SMCO4: variants seen among roughly 807,000 people sequenced by gnomAD.
The protein encoded by SMCO4 is single-pass membrane and coiled-coil domain-containing protein 4.
Under a neutral mutation model 3.6 loss-of-function variants are expected in SMCO4, and 4 were observed. That is an observed-to-expected ratio of 1.11 (90% confidence interval 0.54 to 2.53). SMCO4 has a LOEUF of 2.53. Ranked by LOEUF, SMCO4 falls within the 30% of genes most tolerant of loss-of-function variation. SMCO4 has a pLI of 0.02. For missense variants in SMCO4, 70 were observed against 80.8 expected (o/e 0.87, Z 0.51); for synonymous variants, 36 against 35.3 (o/e 1.02, Z -0.07).
intron 2 of SMCO4, among the ~76,000 whole-genome samples, chr11:93,483,533 A>C (rs1157015834): frequency 6.6e-6 from 1 of 152,140 alleles, no homozygotes; most frequent in Admixed American, 6.5e-5. Context: ...GGGTGGAGGG[A>C]GCACTCCAGA....
At chr11:93,534,510 A>G (rs1324426301) in intron 1 of SMCO4, among the ~76,000 whole-genome samples, 1 of 152,154 alleles carries the variant, frequency 6.6e-6, no homozygotes, top group Admixed American at 6.5e-5. Context: ...AATCTTCACA[A>G]CAACCCTGTG....
chr11:93,516,991 T>C (rs1949013756), intron 1 of SMCO4, among the ~76,000 whole-genome samples: 1 of 151,998 alleles, frequency 6.6e-6, no homozygotes, highest in Non-Finnish European at 1.5e-5. Flanking sequence ...GATGGGAGCC[T>C]CTCCTTAGAT....
At chr11:93,544,820 G>A (rs538427095), upstream of SMCO4, among the ~76,000 whole-genome samples, 1 of 152,274 alleles carries the variant, frequency 6.6e-6, no homozygotes, top group Admixed American at 6.5e-5. Flanking sequence ...GATCCGGTCT[G>A]TGAAGGAAAT....
chr11:93,510,865 G>A (rs1948950396), intron 1 of SMCO4, among the ~76,000 whole-genome samples: 1 of 152,186 alleles, frequency 6.6e-6, no homozygotes, highest in Non-Finnish European at 1.5e-5. Context: ...TTGGGATGCT[G>A]AGGTGGGCGG....
intron 2 of SMCO4, among the ~76,000 whole-genome samples, chr11:93,479,609 G>A (rs7950036): frequency 0.23 from 34,775 of 152,096 alleles, 4,219 homozygotes; most frequent in East Asian, 0.36. Context: ...TCTCCCTTTC[G>A]TGGCTCTAGC....
At chr11:93,535,278 TGGTGGCATGACGCTTACACCACCCTGA>T (rs1565390544) in intron 1 of SMCO4, among the ~76,000 whole-genome samples, 1 of 152,208 alleles carries the variant, frequency 6.6e-6, no homozygotes, top group African/African-American at 2.4e-5. Flanking sequence ...ATGCCACCAC[TGGTGGCATGACGCTTACACCACCCTGA>T]GCTGAGCCAT....
intron 2 of SMCO4, among the ~76,000 whole-genome samples, chr11:93,494,529 A>C (rs1948753330): frequency 6.6e-6 from 1 of 152,190 alleles, no homozygotes. Flanking sequence ...GCCTGTGTCC[A>C]TGCTCAGCAG....
intron 2 of SMCO4, among the ~76,000 whole-genome samples, chr11:93,494,366 A>T (rs1405350332): frequency 6.6e-6 from 1 of 152,230 alleles, no homozygotes; most frequent in Non-Finnish European, 1.5e-5. Context: ...TTAACCACCA[A>T]CCAAAAAATG....
intron 2 of SMCO4, among the ~76,000 whole-genome samples, chr11:93,498,175 A>G (rs1340359515): frequency 6.6e-6 from 1 of 152,250 alleles, no homozygotes; most frequent in Non-Finnish European, 1.5e-5. Context: ...GGAAATTTGT[A>G]TCTCTGGGAA....
intron 2 of SMCO4, among the ~76,000 whole-genome samples, chr11:93,493,776 C>T (rs978147441): frequency 1.3e-5 from 2 of 152,184 alleles, no homozygotes; most frequent in Admixed American, 6.5e-5. Flanking sequence ...AGTGGGAGAA[C>T]AAGCCAAACT....
intron 2 of SMCO4, among the ~76,000 whole-genome samples, chr11:93,484,197 AC>A (rs1208945545): frequency 6.6e-6 from 1 of 152,210 alleles, no homozygotes; most frequent in African/African-American, 2.4e-5. Context: ...TGGGCAGGAG[AC>A]CAGAGGCAGA....
rs1302620531 is a variant in SMCO4 at position 93,534,371 on chromosome 11, TATATAG to T, written c.-154+8899_-154+8904del. 1.9e-3 allele frequency among the ~76,000 whole-genome samples: 239 copies of T among 126,022 alleles called. 1 individual carries two copies. Among genetic ancestry groups the T allele is most frequent in the African/African-American group, 6.7e-3 (226 of 33,858 alleles). 82.7% of individuals were successfully genotyped at this position (126,022 alleles called of 152,430 possible). A position where few individuals can be genotyped will look rare whatever the true frequency, so the allele number is the denominator to read the frequency against. On this transcript the variant is annotated intron_variant, in intron 1 of 2. Transcript: ENST00000298966. ...ATATACACATACATATATATATATATATATAGAGAGAGAGAGAGAGAGAGATACATA... is the reference window on the plus strand; with the variant it reads ...ATATACACATACATATATATATATATAGAGAGAGAGAGAGAGAGATACATA...
chr11:93,519,768 G>A (rs1949041101), intron 1 of SMCO4, among the ~76,000 whole-genome samples: 1 of 152,170 alleles, frequency 6.6e-6, no homozygotes, highest in Non-Finnish European at 1.5e-5. Flanking sequence ...TCAGTACTTG[G>A]GTTGAGAAGT....
Position 93,479,206 on chromosome 11 carries a change from T to C in SMCO4, c.-17A>G. ...CTGCCGCATCTTTCCTAGAGGATGC[T>C]AGGAGGGTGTGTCCAGAGGGATTCC... is the stretch of plus-strand genomic sequence containing the variant. On this transcript the variant is annotated 5_prime_UTR_variant, in exon 3 of 3. Coordinates refer to ENST00000298966, the MANE Select transcript of SMCO4 (RefSeq NM_020179.3). The C allele has an allele frequency of 6.2e-7, 1 of 1,611,288 alleles. No individual in the cohort carries two copies. The highest frequency in any genetic ancestry group is 8.5e-7 in the Non-Finnish European group (1 of 1,178,564).
chr11:93,535,916 T>G, intron 1 of SMCO4: 1 of 1,561,986 alleles, frequency 6.4e-7, no homozygotes, highest in Non-Finnish European at 8.7e-7. Flanking sequence ...CCACAGTAGG[T>G]GTTTTCACAT....
upstream of SMCO4, among the ~76,000 whole-genome samples, chr11:93,546,141 C>T (rs1296863376): frequency 6.6e-6 from 1 of 152,226 alleles, no homozygotes; most frequent in Non-Finnish European, 1.5e-5. Flanking sequence ...CTCACAGGCA[C>T]TCCTGCAGTT....
Position 93,478,747 on chromosome 11 carries a change from ACACACAT to A in SMCO4, c.*256_*262del. 111 of 700,006 alleles carry A rather than the reference ACACACAT, an allele frequency of 1.6e-4. No homozygotes were observed. Among genetic ancestry groups the A allele is most frequent in the East Asian group, 2.1e-4 (4 of 19,352 alleles). The allele number at this position is 700,006 out of a possible 1,614,324, so 43.4% of individuals were successfully genotyped here. On this transcript the variant is annotated 3_prime_UTR_variant, in exon 3 of 3. Transcript: ENST00000298966. ...CACACACACACACACACACACACACACACACATGCGCGCGCGCTTTGAAGTCTGAAAG... is the reference window on the plus strand; with the variant it reads ...CACACACACACACACACACACACACAGCGCGCGCGCTTTGAAGTCTGAAAG...
chr11:93,529,754 C>T (rs1041449311), intron 1 of SMCO4, among the ~76,000 whole-genome samples: 1 of 152,246 alleles, frequency 6.6e-6, no homozygotes, highest in Non-Finnish European at 1.5e-5. Context: ...ACTGAACCGA[C>T]GACACAGGCC....
At chr11:93,516,554 C>T (rs1024063106) in intron 1 of SMCO4, among the ~76,000 whole-genome samples, 13 of 152,268 alleles carry the variant, frequency 8.5e-5, no homozygotes, top group African/African-American at 3.1e-4. Flanking sequence ...CTTTGGGAGG[C>T]CAAGGCGGGT....
Sources: gnomAD v4.1 joint callset for allele counts (sites outside exome capture counted in the v4.1 genomes callset) on GRCh38, gnomAD v4.1.1 for gene constraint, MANE v1.5 for transcripts, NCBI Gene and HGNC (gene_info 2026-07-23, HGNC 2026-07-21) for gene names.